Variants in NEDD9 observed in about 807,000 individuals in gnomAD.
The protein encoded by NEDD9 is neural precursor cell expressed, developmentally down-regulated 9.
A neutral mutation model predicts 76.6 loss-of-function variants in NEDD9; 26 were observed. The observed-to-expected ratio is 0.34, with a 90% confidence interval of 0.25 to 0.47. The LOEUF is 0.47. NEDD9 is among the 20% of genes least tolerant of loss of function. The probability of loss-of-function intolerance (pLI) is 1.00; values close to 1 mark genes in which losing one functional copy is unlikely to be tolerated. For synonymous variants in NEDD9, 392 were observed against 414.2 expected (o/e 0.95, Z 0.65); for missense variants, 937 against 1,058.5 (o/e 0.89, Z 1.59).
At chr6:11,345,712 GGTA>G (rs1762352112) in intron 1 of NEDD9, among the ~76,000 whole-genome samples, 1 of 152,134 alleles carries the variant, frequency 6.6e-6, no homozygotes, top group African/African-American at 2.4e-5. Context: ...CATCAACACT[GGTA>G]GAGGACTTTT....
intron 1 of NEDD9, among the ~76,000 whole-genome samples, chr6:11,365,400 C>T (rs567331743): frequency 1.3e-5 from 2 of 152,126 alleles, no homozygotes; most frequent in Non-Finnish European, 2.9e-5. Context: ...AGTACATCTA[C>T]GTGTAGAATT....
At position 11,305,815 on chromosome 6, in the gene NEDD9, A is replaced by G. The variant is rs953994946; in HGVS notation, c.12+177T>C. On this transcript the variant is annotated intron_variant, in intron 3 of 3. Transcript: ENST00000397378. ...GTGGGCATCAGTGCATCCATGTAAA[A>G]AATTCACCTAACAGCAAAATCTGGC... The G allele has an allele frequency of 4.2e-6, 3 of 718,144 alleles. No individual in the cohort carries two copies. The African/African-American group carries it at 5.3e-5, about 13-fold the overall frequency. 44.5% of individuals were successfully genotyped at this position (718,144 alleles called of 1,614,324 possible). A position where few individuals can be genotyped will look rare whatever the true frequency, so the allele number is the denominator to read the frequency against.
At chr6:11,225,139 A>G (rs923036414) in intron 1 of NEDD9, among the ~76,000 whole-genome samples, 21 of 152,226 alleles carry the variant, frequency 1.4e-4, no homozygotes, top group Admixed American at 3.3e-4. Context: ...CAGTAAAAAA[A>G]GGAATTCAAA....
chr6:11,261,874 C>T (rs1306277383), intron 3 of NEDD9, among the ~76,000 whole-genome samples: 2 of 152,156 alleles, frequency 1.3e-5, no homozygotes, highest in Non-Finnish European at 1.5e-5. Flanking sequence ...GACCACCAGA[C>T]AGTCATTATT....
At chr6:11,236,342 C>T (rs1393629679), upstream of NEDD9, among the ~76,000 whole-genome samples, 1 of 152,180 alleles carries the variant, frequency 6.6e-6, no homozygotes, top group Non-Finnish European at 1.5e-5. This position sits in a 1 kb window ranked among gnomAD's most constrained non-coding sequence, Gnocchi z 5.5. Flanking sequence ...GATGCTTGTG[C>T]AGGCAGGAGT....
chr6:11,302,556 A>G (rs1025600211), intron 3 of NEDD9, among the ~76,000 whole-genome samples: 5 of 152,230 alleles, frequency 3.3e-5, no homozygotes, highest in African/African-American at 4.8e-5. Context: ...TGGTAGAGAC[A>G]CAACAAAAAA....
intron 3 of NEDD9, among the ~76,000 whole-genome samples, chr6:11,269,367 A>G (rs1389991426): frequency 2.0e-5 from 3 of 152,208 alleles, no homozygotes; most frequent in African/African-American, 4.8e-5. Flanking sequence ...TTATTTTACA[A>G]CATTATTACC....
chr6:11,260,886 G>T (rs1161000153), intron 3 of NEDD9, among the ~76,000 whole-genome samples: 1 of 138,770 alleles, frequency 7.2e-6, no homozygotes, highest in African/African-American at 3.0e-5. Flanking sequence ...GTGAGCACGT[G>T]TGTGAGCCTG....
rs552017576 is a variant in NEDD9, at chr6:11,201,806, T to C, written c.460-8114A>G. On this transcript the variant is annotated intron_variant, in intron 2 of 6. Coordinates refer to ENST00000379446, the MANE Select transcript of NEDD9 (RefSeq NM_006403.4). ...AGAATGATGGGACACAGACCTGTTC[T>C]AGATTCTATGTCCCGTGATTCCTCT... 9.3e-4 allele frequency among the ~76,000 whole-genome samples: 141 copies of C among 151,476 alleles called. 1 individual carries two copies. The highest frequency in any genetic ancestry group is 3.3e-3 in the African/African-American group (137 of 41,096).
At chr6:11,263,206 G>A (rs1760145292) in intron 3 of NEDD9, among the ~76,000 whole-genome samples, 1 of 152,190 alleles carries the variant, frequency 6.6e-6, no homozygotes, top group South Asian at 2.1e-4. Context: ...TAACCAGGCA[G>A]GATTTTGTAG....
At chr6:11,296,556 G>A (rs1051530255) in intron 3 of NEDD9, among the ~76,000 whole-genome samples, 3 of 152,174 alleles carry the variant, frequency 2.0e-5, no homozygotes, top group African/African-American at 7.2e-5. Context: ...GTGTGGATAA[G>A]TACCTTGGAA....
chr6:11,344,238 G>A (rs1232405513), intron 1 of NEDD9, among the ~76,000 whole-genome samples: 3 of 152,134 alleles, frequency 2.0e-5, no homozygotes, highest in Non-Finnish European at 4.4e-5. Context: ...GAATGTGAGC[G>A]CAATTCCACA....
At chr6:11,261,552 C>T (rs1044998073) in intron 3 of NEDD9, among the ~76,000 whole-genome samples, 7 of 152,164 alleles carry the variant, frequency 4.6e-5, no homozygotes, top group South Asian at 2.1e-4. Context: ...ATTAGAAACA[C>T]GAAGATAAAT....
At chr6:11,328,902 C>G (rs1761981618) in intron 2 of NEDD9, 1 of 152,186 alleles carries the variant, frequency 6.6e-6, no homozygotes, top group African/African-American at 2.4e-5. Flanking sequence ...CATTGATGAC[C>G]CACAAAGGAG....
intron 1 of NEDD9, among the ~76,000 whole-genome samples, chr6:11,223,761 T>C (rs1171548760): frequency 6.6e-6 from 1 of 152,200 alleles, no homozygotes; most frequent in Non-Finnish European, 1.5e-5. Flanking sequence ...TCCAAACAAG[T>C]TCTTATTTCA....
chr6:11,359,672 T>C (rs1762642048), intron 1 of NEDD9, among the ~76,000 whole-genome samples: 1 of 152,240 alleles, frequency 6.6e-6, no homozygotes, highest in Non-Finnish European at 1.5e-5. Context: ...TAAGGCAGAA[T>C]AGAATACTTT....
chr6:11,313,398 T>C (rs1582019299), intron 2 of NEDD9, among the ~76,000 whole-genome samples: 3 of 147,528 alleles, frequency 2.0e-5, no homozygotes, highest in Admixed American at 1.4e-4. Flanking sequence ...GGTGAAGGGG[T>C]GGATGGATGG....
intron 3 of NEDD9, among the ~76,000 whole-genome samples, chr6:11,260,043 C>T (rs1236945122): frequency 2.0e-5 from 3 of 152,072 alleles, no homozygotes; most frequent in Non-Finnish European, 4.4e-5. Context: ...GGGATTCATT[C>T]ACTTGGCTTA....
At chr6:11,189,087 C>T (rs1421824854) in intron 5 of NEDD9, among the ~76,000 whole-genome samples, 1 of 152,056 alleles carries the variant, frequency 6.6e-6, no homozygotes, top group African/African-American at 2.4e-5. Context: ...GCTGGGACTA[C>T]AGGCGTGCAT....
Sources: gnomAD v4.1 joint callset for allele counts (sites outside exome capture counted in the v4.1 genomes callset) on GRCh38, gnomAD v4.1.1 for gene constraint, Gnocchi (gnomAD v3.1) non-coding constraint, MANE v1.5 for transcripts, NCBI Gene and HGNC (gene_info 2026-07-23, HGNC 2026-07-21) for gene names.